The following EPHA3 variants were observed in gnomAD, a reference collection of about 807,000 sequenced individuals.
EPHA3 encodes ephrin type-A receptor 3.
Under a neutral mutation model 107.1 loss-of-function variants are expected in EPHA3, and 42 were observed. That is an observed-to-expected ratio of 0.39 (90% confidence interval 0.31 to 0.51). The LOEUF is 0.51. Among genes scored for constraint, EPHA3 ranks in the 20% least tolerant of loss-of-function variants. EPHA3 has a pLI of 0.78. For missense variants in EPHA3, 1,183 were observed against 1,211.2 expected (o/e 0.98, Z 0.35); for synonymous variants, 461 against 424.8 (o/e 1.09, Z -1.05).
chr3:89,280,764 C>T (rs1366908012), intron 3 of EPHA3, among the ~76,000 whole-genome samples: 2 of 152,024 alleles, frequency 1.3e-5, no homozygotes, highest in Non-Finnish European at 2.9e-5. Flanking sequence ...ATTAACAATA[C>T]TGACTATATT....
At chr3:89,266,217 G>T (rs1705535613) in intron 3 of EPHA3, among the ~76,000 whole-genome samples, 1 of 152,064 alleles carries the variant, frequency 6.6e-6, no homozygotes, top group Non-Finnish European at 1.5e-5. Flanking sequence ...TCATTTTATA[G>T]ATAAAGAAAC....
At chr3:89,273,569 G>A (rs1173191425) in intron 3 of EPHA3, among the ~76,000 whole-genome samples, 1 of 151,878 alleles carries the variant, frequency 6.6e-6, no homozygotes, top group Non-Finnish European at 1.5e-5. Flanking sequence ...CTCAGTTGTA[G>A]TGTTTACAGT....
At chr3:89,372,088 G>T (rs116689117) in intron 5 of EPHA3, among the ~76,000 whole-genome samples, 2,317 of 151,706 alleles carry the variant, frequency 0.015, 43 homozygotes, top group African/African-American at 0.053. Flanking sequence ...CTGCATAACT[G>T]ATCATCAATC....
intron 2 of EPHA3, among the ~76,000 whole-genome samples, chr3:89,205,178 A>C (rs1706069580): frequency 6.6e-6 from 1 of 152,150 alleles, no homozygotes; most frequent in African/African-American, 2.4e-5. Context: ...CTCTTAAAGG[A>C]AGTGTAAACT....
At chr3:89,440,254 C>T (rs1214718553) in intron 13 of EPHA3, among the ~76,000 whole-genome samples, 1 of 152,138 alleles carries the variant, frequency 6.6e-6, no homozygotes, top group African/African-American at 2.4e-5. Context: ...CCACTTTTAA[C>T]CTGAGAAGCT....
chr3:89,193,235 C>A (rs1164643394), intron 2 of EPHA3, among the ~76,000 whole-genome samples: 1 of 152,014 alleles, frequency 6.6e-6, no homozygotes, highest in Non-Finnish European at 1.5e-5. Context: ...ACAACAAGAT[C>A]TTTGTAGCTT....
chr3:89,127,083 C>T (rs1704111118), intron 1 of EPHA3, 126 bp from the exon 2 acceptor site: 1 of 720,736 alleles, frequency 1.4e-6, no homozygotes, highest in African/African-American at 1.8e-5. Flanking sequence ...TAATTATAGA[C>T]TTATAATGAG....
intron 3 of EPHA3, among the ~76,000 whole-genome samples, chr3:89,235,323 G>A (rs1576253213): frequency 6.6e-6 from 1 of 151,866 alleles, no homozygotes; most frequent in African/African-American, 2.4e-5. Flanking sequence ...ATACTGTTTC[G>A]ACATTCAAAT....
chr3:89,353,261 G>A (rs1213204935), intron 5 of EPHA3, among the ~76,000 whole-genome samples: 1 of 151,266 alleles, frequency 6.6e-6, no homozygotes, highest in Non-Finnish European at 1.5e-5. Flanking sequence ...ACACCAAAAG[G>A]ATCTACATGA....
chr3:89,368,519 G>C (rs116121856), intron 5 of EPHA3, among the ~76,000 whole-genome samples: 1,682 of 150,612 alleles, frequency 0.011, 42 homozygotes, highest in African/African-American at 0.038. Context: ...AACCAGGGGA[G>C]TCAATAGTAT....
At chr3:89,354,057 C>T (rs1195497477) in intron 5 of EPHA3, among the ~76,000 whole-genome samples, 1 of 151,230 alleles carries the variant, frequency 6.6e-6, no homozygotes, top group Non-Finnish European at 1.5e-5. Flanking sequence ...ACTTTTGATG[C>T]TAACTTGTTG....
chr3:89,294,332 G>A (rs1181564642), intron 3 of EPHA3, among the ~76,000 whole-genome samples: 3 of 151,874 alleles, frequency 2.0e-5, no homozygotes, highest in Admixed American at 6.6e-5. Flanking sequence ...TTGCACTTTT[G>A]GAGAAAATCA....
intron 13 of EPHA3, among the ~76,000 whole-genome samples, chr3:89,446,992 T>A (rs75992631): frequency 0.01 from 1,524 of 152,264 alleles, 27 homozygotes; most frequent in African/African-American, 0.035. Context: ...CTCTGAGTTC[T>A]TAAGAAGGAG....
At chr3:89,452,071 A>T (rs2107557321) in intron 15 of EPHA3, among the ~76,000 whole-genome samples, 1 of 152,296 alleles carries the variant, frequency 6.6e-6, no homozygotes, top group East Asian at 1.9e-4. Flanking sequence ...AAATAGCAAA[A>T]TTTTAACATA....
intron 2 of EPHA3, among the ~76,000 whole-genome samples, chr3:89,142,859 T>C (rs935228209): frequency 1.3e-5 from 2 of 151,396 alleles, no homozygotes; most frequent in Non-Finnish European, 3.0e-5. Context: ...CCTTTATGCC[T>C]TTTCAAAAAA....
intron 11 of EPHA3, among the ~76,000 whole-genome samples, chr3:89,420,286 T>C (rs1709330196): frequency 6.6e-6 from 1 of 151,506 alleles, no homozygotes; most frequent in Non-Finnish European, 1.5e-5. Flanking sequence ...TTCATAATTA[T>C]ATTTCTCTTT....
At chr3:89,173,346 A>G (rs1348425338) in intron 2 of EPHA3, among the ~76,000 whole-genome samples, 3 of 152,142 alleles carry the variant, frequency 2.0e-5, no homozygotes, top group Admixed American at 6.5e-5. Flanking sequence ...TGCATTTTAT[A>G]TATCAACCCT....
At chr3:89,470,239 T>C (rs1259281312) in intron 15 of EPHA3, among the ~76,000 whole-genome samples, 7 of 152,052 alleles carry the variant, frequency 4.6e-5, no homozygotes, top group Admixed American at 4.6e-4. Context: ...CTTTTCAGGG[T>C]TGTTATACTA....
Position 89,204,608 on chromosome 3 carries a change from ATGTGTG to A in EPHA3, c.154-5228_154-5223del, listed in dbSNP as rs71621535. 5.5e-4 allele frequency among the ~76,000 whole-genome samples: 82 copies of A among 148,766 alleles called. 1 individual carries two copies. Among genetic ancestry groups the A allele is most frequent in the African/African-American group, 1.5e-3 (62 of 40,372 alleles). On this transcript the variant is annotated intron_variant, in intron 2 of 16. Transcript: ENST00000336596. Reference sequence around the variant, plus strand: ...TTTAGAAATATATATCTGTGTGTAAATGTGTGTGTGTGTGTGTGTGTGTGTGTGTAC... The same window carrying A: ...TTTAGAAATATATATCTGTGTGTAAATGTGTGTGTGTGTGTGTGTGTGTAC...
Sources: gnomAD v4.1 joint callset for allele counts (sites outside exome capture counted in the v4.1 genomes callset) on GRCh38, gnomAD v4.1.1 for gene constraint, MANE v1.5 for transcripts, NCBI Gene and HGNC (gene_info 2026-07-23, HGNC 2026-07-21) for gene names.